DLAT: variants seen among roughly 807,000 people sequenced by gnomAD.
DLAT encodes the protein dihydrolipoyllysine-residue acetyltransferase component of pyruvate dehydrogenase complex, mitochondrial.
DLAT carries 43 observed loss-of-function variants against 68.0 expected under a neutral mutation model. The ratio of observed to expected loss-of-function variants is 0.63; its 90% CI spans 0.50 to 0.81. DLAT has a LOEUF of 0.81. DLAT is among the 40% of genes least tolerant of loss of function. The pLI, the probability that DLAT is intolerant of heterozygous loss-of-function variation, is 0.00. For missense variants in DLAT, 745 were observed against 815.4 expected (o/e 0.91, Z 1.05); for synonymous variants, 265 against 288.6 (o/e 0.92, Z 0.83).
intron 5 of DLAT, chr11:112,036,779 C>G (rs1434311439): frequency 1.3e-5 from 2 of 159,148 alleles, no homozygotes; most frequent in African/African-American, 4.8e-5. Flanking sequence ...TGAAAAGTTC[C>G]AAAGATGCTT....
At chr11:112,033,647 T>C in intron 5 of DLAT, 117 bp downstream of exon 5, 1 of 1,177,922 alleles carries the variant, frequency 8.5e-7, no homozygotes, top group South Asian at 1.4e-5. Flanking sequence ...ATTCTTAGGA[T>C]TCATTTTCTG....
At chr11:112,059,706 TTAA>T (rs1756180908) in intron 11 of DLAT, among the ~76,000 whole-genome samples, 194 bp from the exon 12 acceptor site, 2 of 152,156 alleles carry the variant, frequency 1.3e-5, no homozygotes, top group South Asian at 4.1e-4. Flanking sequence ...TCTTTGATTT[TTAA>T]TAACTACAAG....
intron 11 of DLAT, among the ~76,000 whole-genome samples, chr11:112,057,961 G>GCATAACTTT (rs1385501976): frequency 6.6e-6 from 1 of 152,198 alleles, no homozygotes; most frequent in African/African-American, 2.4e-5. Context: ...GTAGACAACA[G>GCATAACTTT]TGTAGTGTTA....
In DLAT at chr11:112,059,982, A is replaced by G. The variant is rs1864454382; in HGVS notation, c.1594A>G (p.Lys532Glu). ...ACCTATTGTGTTTAATGCACATATAAAAGGAGTGGAAACCATTGCTAATGA... is the reference window on the plus strand; with the variant it reads ...ACCTATTGTGTTTAATGCACATATAGAAGGAGTGGAAACCATTGCTAATGA... ...ITPIVFNAHI[K>E]GVETIANDVV... is the part of the protein sequence containing the mutation. Residue 532 changes from lysine (K) to glutamate (E), a missense_variant, in exon 12 of 14, where the codon AAA becomes GAA. Physicochemically the swap from Lys to Glu is moderately conservative, Grantham distance 56. Coordinates refer to ENST00000280346, the MANE Select transcript of DLAT (RefSeq NM_001931.5). 1 of 1,613,922 alleles carries G rather than the reference A, an allele frequency of 6.2e-7. No individual in the cohort carries two copies. The highest frequency in any genetic ancestry group is 8.5e-7 in the Non-Finnish European group (1 of 1,179,956).
rs1350044249 is a variant in DLAT, at chr11:112,062,279, A to G, written c.1815-127A>G. 4.0e-6 allele frequency: 4 copies of G among 993,966 alleles called. No homozygotes were observed. In the African/African-American group the frequency reaches 6.3e-5, roughly 16 times the overall value. 61.6% of individuals were successfully genotyped at this position (993,966 alleles called of 1,614,324 possible). On this transcript the variant is annotated intron_variant, in intron 13 of 13. Transcript: ENST00000280346. Reference sequence around the variant, plus strand: ...TAAATTTGAGCTAAAGGTATAGGAGACTGGAAGAGTAGATAGGAAGTATTA... The same window carrying G: ...TAAATTTGAGCTAAAGGTATAGGAGGCTGGAAGAGTAGATAGGAAGTATTA...
chr11:112,035,868 G>A (rs1210550245), intron 5 of DLAT, among the ~76,000 whole-genome samples: 1 of 144,712 alleles, frequency 6.9e-6, no homozygotes, highest in East Asian at 2.1e-4. Context: ...TTGGCTCACT[G>A]CAATTTCCAC....
rs1285564094 is a variant in DLAT, at chr11:112,043,510, T to C, written c.1174T>C (p.Phe392Leu). Residue 392 changes from phenylalanine to leucine, a missense_variant, in exon 8 of 14, where the codon TTT becomes CTT. Physicochemically the swap from Phe to Leu is conservative, Grantham distance 22. Transcript: ENST00000280346. The part of the protein sequence containing the change: ...GRITKKDIDS[F>L]VPSKVAPAPA... ...AATCACCAAGAAGGATATCGACTCT[T>C]TTGTGCCTAGTAAAGTTGCTCCTGT... 1.9e-6 allele frequency: 3 copies of C among 1,614,048 alleles called. No homozygotes were observed. The highest frequency in any genetic ancestry group is 2.5e-6 in the Non-Finnish European group (3 of 1,180,010).
chr11:112,054,247 C>T (rs587712715), intron 11 of DLAT, among the ~76,000 whole-genome samples: 16 of 152,116 alleles, frequency 1.1e-4, no homozygotes, highest in African/African-American at 3.9e-4. Flanking sequence ...ACCTGGGAGG[C>T]GGAGGTTGCA....
intron 6 of DLAT, among the ~76,000 whole-genome samples, chr11:112,038,117 G>C (rs1555180715): frequency 6.6e-6 from 1 of 152,136 alleles, no homozygotes. Context: ...TTTAAACTAG[G>C]TAAACATTTC....
intron 10 of DLAT, among the ~76,000 whole-genome samples, chr11:112,049,273 T>C (rs984847855): frequency 2.6e-5 from 4 of 152,190 alleles, no homozygotes; most frequent in African/African-American, 7.2e-5. Context: ...TTGAAGCCAG[T>C]TGACATTTTG....
In DLAT at chr11:112,035,883, C is replaced by T. The variant is rs1356933826; in HGVS notation, c.788-1390C>T. ...TTGGCTCACTGCAATTTCCACCTCC[C>T]GGGTTCAAGCAATTCTCCTGCCTCA... On this transcript the variant is annotated intron_variant, in intron 5 of 13. Transcript: ENST00000280346. Among the ~76,000 whole-genome samples the T allele has an allele frequency of 1.3e-4, 19 of 149,890 alleles. 1 individual carries two copies. Among genetic ancestry groups the T allele is most frequent in the Admixed American group, 4.7e-4 (7 of 14,936 alleles).
chr11:112,058,619 G>GC (rs1326335284), intron 11 of DLAT, among the ~76,000 whole-genome samples: 1 of 130,266 alleles, frequency 7.7e-6, no homozygotes, highest in Non-Finnish European at 1.6e-5. Flanking sequence ...TGGGGGAAGG[G>GC]GGGGGTGGGG....
chr11:112,054,525 G>C (rs56930754), intron 11 of DLAT, among the ~76,000 whole-genome samples: 3,798 of 152,148 alleles, frequency 0.025, 165 homozygotes, highest in African/African-American at 0.087. Flanking sequence ...AATTCTTTCT[G>C]AAACTCCACA....
chr11:112,044,157 T>C (rs1413806457), intron 8 of DLAT, among the ~76,000 whole-genome samples: 3 of 152,250 alleles, frequency 2.0e-5, no homozygotes, highest in African/African-American at 4.8e-5. Flanking sequence ...CAAAATATTT[T>C]AAAGTACAGT....
intron 5 of DLAT, among the ~76,000 whole-genome samples, chr11:112,036,096 CAT>C (rs71060207): frequency 1.5e-4 from 21 of 141,448 alleles, no homozygotes; most frequent in South Asian, 1.4e-3. Flanking sequence ...CAGCCTTAAA[CAT>C]ATATATATAT....
Position 112,063,801 on chromosome 11 carries a change from G to T in DLAT, c.*1266G>T. 6.1e-6 allele frequency: 1 copy of T among 164,590 alleles called. No homozygotes were observed. Among genetic ancestry groups the T allele is most frequent in the Non-Finnish European group, 1.3e-5 (1 of 76,654 alleles). The allele number at this position is 164,590 out of a possible 1,614,324, so 10.2% of individuals were successfully genotyped here. On this transcript the variant is annotated 3_prime_UTR_variant, in exon 14 of 14. Coordinates refer to ENST00000280346, the MANE Select transcript of DLAT (RefSeq NM_001931.5). The stretch of plus-strand genomic sequence containing the variant: ...TATTCTGGATTATAAAAATGAATTG[G>T]GAACATTATCACAATTCCAGACTTT...
Position 112,045,844 on chromosome 11 carries a change from TA to T in DLAT, c.1291-16del. 4 of 1,523,744 alleles carry T rather than the reference TA, an allele frequency of 2.6e-6. No homozygotes were observed. The highest frequency in any genetic ancestry group is 3.6e-6 in the Non-Finnish European group (4 of 1,098,146). 94.4% of individuals were successfully genotyped at this position (1,523,744 alleles called of 1,614,324 possible). The stretch of plus-strand genomic sequence containing the variant: ...TCTTAACTCAAGATAATTGATTTTT[TA>T]AATCTCTTTGGTTTCAGGTTATTGC... On this transcript the variant is annotated intron_variant, in intron 9 of 13. Coordinates refer to ENST00000280346, the MANE Select transcript of DLAT (RefSeq NM_001931.5).
chr11:112,034,316 G>A (rs961106890), intron 5 of DLAT, among the ~76,000 whole-genome samples: 1 of 152,072 alleles, frequency 6.6e-6, no homozygotes, highest in African/African-American at 2.4e-5. Flanking sequence ...TTCATAGTTT[G>A]AGAATGACTG....
intron 4 of DLAT, chr11:112,030,178 T>A: frequency 1.6e-6 from 1 of 626,446 alleles, no homozygotes; most frequent in Admixed American, 1.9e-5. Flanking sequence ...CTGTGGAAAG[T>A]GCTTCCTTTG....
Sources: gnomAD v4.1 joint callset for allele counts (sites outside exome capture counted in the v4.1 genomes callset) on GRCh38, gnomAD v4.1.1 for gene constraint, MANE v1.5 for transcripts, NCBI Gene and HGNC (gene_info 2026-07-23, HGNC 2026-07-21) for gene names.